The following FGFR2 variants were observed in gnomAD, a reference collection of about 807,000 sequenced individuals.
FGFR2 encodes BEK fibroblast growth factor receptor.
A neutral mutation model predicts 95.9 loss-of-function variants in FGFR2; 19 were observed. The ratio of observed to expected loss-of-function variants is 0.20; its 90% confidence interval spans 0.14 to 0.29. The LOEUF is 0.29. Ranked by LOEUF, FGFR2 falls within the 10% of genes least tolerant of loss-of-function variation. The probability of loss-of-function intolerance (pLI) is 1.00; values close to 1 mark genes in which losing one functional copy is unlikely to be tolerated. For missense variants in FGFR2, 707 were observed against 1,056.9 expected, an observed-to-expected ratio of 0.67 and a Z score of 4.59; for synonymous variants, 392 against 393.3, an observed-to-expected ratio of 1.00 and a Z score of 0.04.
intron 2 of FGFR2, among the ~76,000 whole-genome samples, chr10:121,574,124 G>A (rs969586504): frequency 6.6e-6 from 1 of 152,134 alleles, no homozygotes; most frequent in Non-Finnish European, 1.5e-5. Context: ...CTGTCCGTAG[G>A]AACAGAAGAG....
intron 9 of FGFR2, among the ~76,000 whole-genome samples, chr10:121,509,970 G>A (rs906923853): frequency 5.3e-5 from 8 of 152,052 alleles, no homozygotes; most frequent in Non-Finnish European, 1.0e-4. Flanking sequence ...CTCTTAGGCT[G>A]CAAACCACCT....
At chr10:121,515,077 G>A (rs750198004) in intron 9 of FGFR2, 40 bp downstream of exon 9, 1 of 1,592,290 alleles carries the variant, frequency 6.3e-7, no homozygotes, top group East Asian at 2.2e-5. Context: ...GCTGGGTCAT[G>A]GGGGAGGAGT....
At chr10:121,593,558 C>T in intron 2 of FGFR2, 151 bp downstream of exon 2, 1 of 718,724 alleles carries the variant, frequency 1.4e-6, no homozygotes, top group South Asian at 1.6e-5. Context: ...CTCTCATCAG[C>T]TCTGCCTTGC....
Position 121,479,489 on chromosome 10 carries a change from G to T in FGFR2, c.*368C>A. On this transcript the variant is annotated 3_prime_UTR_variant, in exon 18 of 18. Coordinates refer to ENST00000358487, the MANE Select transcript of FGFR2 (RefSeq NM_000141.5). ...TACATACATCCAGCACCTATATACT[G>T]CATTTGTGCTCTGTAAGTGTGTGCT... 1 of 880,410 alleles carries T rather than the reference G, an allele frequency of 1.1e-6. No homozygotes were observed. The highest frequency in any genetic ancestry group is 1.7e-6 in the Non-Finnish European group (1 of 572,244). The allele number at this position is 880,410 out of a possible 1,614,324, so 54.5% of individuals were successfully genotyped here.
intron 2 of FGFR2, among the ~76,000 whole-genome samples, chr10:121,588,590 A>T (rs975661540): frequency 2.0e-5 from 3 of 152,094 alleles, no homozygotes; most frequent in Non-Finnish European, 4.4e-5. Flanking sequence ...AAAATCTCTA[A>T]ATCATATGGG....
At chr10:121,577,389 C>T (rs1186559090) in intron 2 of FGFR2, among the ~76,000 whole-genome samples, 1 of 151,584 alleles carries the variant, frequency 6.6e-6, no homozygotes, top group Non-Finnish European at 1.5e-5. Flanking sequence ...CTCACTCCTC[C>T]GCTAAACAGG....
At chr10:121,513,902 C>T (rs1849362453) in intron 9 of FGFR2, among the ~76,000 whole-genome samples, 1 of 152,176 alleles carries the variant, frequency 6.6e-6, no homozygotes, top group South Asian at 2.1e-4. Flanking sequence ...AACAACCAGA[C>T]CCATTCCAAA....
At chr10:121,533,424 G>T (rs749472423) in intron 6 of FGFR2, among the ~76,000 whole-genome samples, 23 of 152,268 alleles carry the variant, frequency 1.5e-4, no homozygotes, top group Non-Finnish European at 2.8e-4. Context: ...GACATATCTG[G>T]CCTTGACAAA....
At chr10:121,523,101 GTTACTC>G in intron 6 of FGFR2, among the ~76,000 whole-genome samples, 1 of 152,178 alleles carries the variant, frequency 6.6e-6, no homozygotes, top group Non-Finnish European at 1.5e-5. Flanking sequence ...AGTGCTAGTG[GTTACTC>G]TTAGCACATT....
chr10:121,591,011 A>ACTCTCTCT (rs76266908), intron 2 of FGFR2, among the ~76,000 whole-genome samples: 1 of 144,344 alleles, frequency 6.9e-6, no homozygotes, highest in East Asian at 2.1e-4. Context: ...ACACACGCAC[A>ACTCTCTCT]CTCTCTCTCT....
At chr10:121,574,257 G>A (rs572408442) in intron 2 of FGFR2, among the ~76,000 whole-genome samples, 6 of 152,172 alleles carry the variant, frequency 3.9e-5, no homozygotes, top group Non-Finnish European at 7.4e-5. Context: ...GGCCAGGTGC[G>A]GTGGCTCATG....
intron 4 of FGFR2, among the ~76,000 whole-genome samples, chr10:121,552,894 C>T (rs1468215928): frequency 1.3e-5 from 2 of 152,180 alleles, no homozygotes; most frequent in Admixed American, 1.3e-4. Flanking sequence ...ACACAGTTCA[C>T]AAACCCAAGG....
intron 13 of FGFR2, among the ~76,000 whole-genome samples, chr10:121,488,614 C>T (rs948864214): frequency 6.6e-6 from 1 of 151,424 alleles, no homozygotes; most frequent in Admixed American, 6.6e-5. Flanking sequence ...GACAGGTCAA[C>T]TGGGATCATC....
At chr10:121,550,146 T>A (rs561088614) in intron 5 of FGFR2, among the ~76,000 whole-genome samples, 2 of 152,332 alleles carry the variant, frequency 1.3e-5, no homozygotes, top group East Asian at 3.9e-4. Flanking sequence ...CAGACCTGAA[T>A]CCTTTCCTGA....
At chr10:121,595,264 C>T (rs528756224) in intron 1 of FGFR2, among the ~76,000 whole-genome samples, 1 of 152,342 alleles carries the variant, frequency 6.6e-6, no homozygotes, top group African/African-American at 2.4e-5. Flanking sequence ...CCCCAAATCT[C>T]ATCATAAAAA....
At chr10:121,537,273 T>C (rs17102176) in intron 6 of FGFR2, among the ~76,000 whole-genome samples, 2,017 of 152,332 alleles carry the variant, frequency 0.013, 50 homozygotes, top group East Asian at 0.067. Flanking sequence ...AAACACTATT[T>C]TCCCTGAATG....
At position 121,569,290 on chromosome 10, in the gene FGFR2, G is replaced by A. The variant is rs183797354; in HGVS notation, c.110-3586C>T. Among the ~76,000 whole-genome samples, 223 of 148,940 alleles carry A rather than the reference G, an allele frequency of 1.5e-3. 3 individuals carry two copies. The East Asian group carries it at 0.033, about 22-fold the overall frequency. The stretch of plus-strand genomic sequence containing the variant: ...GGCTGGAATCCAGTGGCACGATCTC[G>A]GCTCACCGCAACCTCCGCCTCCCAG... On this transcript the variant is annotated intron_variant, in intron 2 of 17. Transcript: ENST00000358487.
Position 121,503,927 on chromosome 10 carries a change from G to A in FGFR2, c.1302C>T (p.Ser434=), listed in dbSNP as rs141297318. Residue 434 remains serine, a synonymous_variant, in exon 10 of 18, where the codon TCC becomes TCT. Transcript: ENST00000358487. The stretch of plus-strand genomic sequence containing the variant: ...GGGTGTTGGAGTTCATGGAGGAGCT[G>A]GACTCAGCCGAAACCTGGATACAAA... ...LRRQVTVSAE[S]SSSMNSNTPL... The A allele has an allele frequency of 1.1e-5, 17 of 1,613,938 alleles. No homozygotes were observed. The highest frequency in any genetic ancestry group is 2.7e-5 in the African/African-American group (2 of 74,890).
At chr10:121,551,700 G>A (rs947271838) in intron 4 of FGFR2, among the ~76,000 whole-genome samples, 1 of 151,966 alleles carries the variant, frequency 6.6e-6, no homozygotes, top group African/African-American at 2.4e-5. Flanking sequence ...AGTGTTTGAG[G>A]CCCCTTCTCT....
Sources: gnomAD v4.1 joint callset for allele counts (sites outside exome capture counted in the v4.1 genomes callset) on GRCh38, gnomAD v4.1.1 for gene constraint, MANE v1.5 for transcripts, NCBI Gene and HGNC (gene_info 2026-07-23, HGNC 2026-07-21) for gene names.